GCNA: variants seen among roughly 807,000 people sequenced by gnomAD.
The protein encoded by GCNA is germ cell nuclear acidic protein.
GCNA carries 3 observed loss-of-function variants against 38.8 expected under a neutral mutation model. The ratio of observed to expected loss-of-function variants is 0.08; its 90% CI spans 0.04 to 0.20. The LOEUF (loss-of-function observed/expected upper bound fraction) is 0.20. GCNA is among the 10% of genes least tolerant of loss of function. The probability of loss-of-function intolerance (pLI) is 1.00; values close to 1 mark genes in which losing one functional copy is unlikely to be tolerated. For synonymous variants in GCNA, 195 were observed against 240.2 expected (o/e 0.81, Z 1.74); for missense variants, 446 against 578.6 (o/e 0.77, Z 2.35).
intron 9 of GCNA, among the ~76,000 whole-genome samples, chrX:71,608,089 A>G (rs748215974): frequency 1.1e-3 from 126 of 110,855 alleles, no homozygotes; most frequent in African/African-American, 3.7e-3. Context: ...GTGTGATTGG[A>G]TGAGAAGAGA....
At chrX:71,596,341 G>T (rs1323344051) in intron 6 of GCNA, among the ~76,000 whole-genome samples, 5 of 112,263 alleles carry the variant, frequency 4.5e-5, no homozygotes. Flanking sequence ...GTTTATTGAG[G>T]TATGATTTAT....
At chrX:71,611,221 T>C (rs1272390008) in intron 11 of GCNA, among the ~76,000 whole-genome samples, 6 of 112,253 alleles carry the variant, frequency 5.3e-5, no homozygotes, top group African/African-American at 1.9e-4. Flanking sequence ...GCCACTACAT[T>C]GCTTTCCTGC....
intron 1 of GCNA, among the ~76,000 whole-genome samples, chrX:71,580,053 C>G (rs1309764906): frequency 2.0e-5 from 2 of 100,737 alleles, no homozygotes; most frequent in African/African-American, 7.5e-5. Flanking sequence ...CGGTGGTAGC[C>G]TATTCTGGGT....
chrX:71,607,168 G>A (rs1019456603), intron 9 of GCNA, among the ~76,000 whole-genome samples: 13 of 112,024 alleles, frequency 1.2e-4, no homozygotes, highest in African/African-American at 3.6e-4. Context: ...ACAGGGGTCC[G>A]GGCTCTGCCA....
At position 71,580,538 on chromosome X, in the gene GCNA, A is replaced by G. The variant is rs750249737; in HGVS notation, c.-2-282A>G. The G allele has an allele frequency of 4.4e-3, 875 of 200,457 alleles. 10 individuals carry two copies. Among genetic ancestry groups the G allele is most frequent in the African/African-American group, 0.025 (820 of 33,049 alleles). 16.5% of individuals were successfully genotyped at this position (200,457 alleles called of 1,213,427 possible). The stretch of plus-strand genomic sequence containing the variant: ...GGCCCAGGCTGGAGTGCAGTGGCAC[A>G]ATCTCGGCTCACTGCAAGCTCTGCC... On this transcript the variant is annotated intron_variant, in intron 1 of 12. Transcript: ENST00000373696.
chrX:71,580,483 T>C, intron 1 of GCNA: 1 of 138,381 alleles, frequency 7.2e-6, no homozygotes, highest in Non-Finnish European at 1.4e-5. Flanking sequence ...TCTTTTTCTT[T>C]TTCTTTTTTG....
chrX:71,603,544 T>C, intron 7 of GCNA, 44 bp from the exon 8 acceptor site: 1 of 1,177,346 alleles, frequency 8.5e-7, no homozygotes. Flanking sequence ...AAGGAGGTGG[T>C]AGAGGGAGTA....
chrX:71,605,609 G>A lies in GCNA; in HGVS notation c.1400-54G>A, dbSNP rs1569441404. The A allele has an allele frequency of 2.8e-6, 3 of 1,066,474 alleles. No homozygotes were observed. The East Asian group carries it at 9.6e-5, about 34-fold the overall frequency. The allele number at this position is 1,066,474 out of a possible 1,213,427, so 87.9% of individuals were successfully genotyped here. A position where few individuals can be genotyped will look rare whatever the true frequency, so the allele number is the denominator to read the frequency against. ...GGGTTTACCTTTCTGTTGGTCTCGT[G>A]ATGGTACCAATTTTCGGGGTACAAG... On this transcript the variant is annotated intron_variant, in intron 8 of 12. Coordinates refer to ENST00000373696, the MANE Select transcript of GCNA (RefSeq NM_052957.5).
Position 71,605,720 on chromosome X carries a change from G to T in GCNA, c.1457G>T (p.Arg486Leu). ...KKPGAAKVEK[R>L]KTRTPKCKVP... Reference sequence around the variant, plus strand: ...CCCGGTGCAGCAAAAGTTGAAAAACGCAAGACTAGGTATGTACTGCTCGCA... The same window carrying T: ...CCCGGTGCAGCAAAAGTTGAAAAACTCAAGACTAGGTATGTACTGCTCGCA... The change falls in exon 9 of 13, where the codon CGC (arginine) becomes CTC (leucine). Residue 486 changes from arginine to leucine, a missense_variant. By Grantham distance (102) the Arg-to-Leu change is moderately radical. Transcript: ENST00000373696. 1 of 1,207,763 alleles carries T rather than the reference G, an allele frequency of 8.3e-7. No individual in the cohort carries two copies. The highest frequency in any genetic ancestry group is 1.1e-6 in the Non-Finnish European group (1 of 892,660).
intron 11 of GCNA, 115 bp from the exon 12 acceptor site, chrX:71,612,240 T>G: frequency 1.7e-6 from 1 of 595,510 alleles, no homozygotes; most frequent in Non-Finnish European, 2.5e-6. Flanking sequence ...ATCATGCCAT[T>G]ACACTCCAGC....
chrX:71,606,876 G>A (rs2040772575), intron 9 of GCNA, among the ~76,000 whole-genome samples: 1 of 112,310 alleles, frequency 8.9e-6, no homozygotes, highest in African/African-American at 3.2e-5. Context: ...GAAGGGAAAA[G>A]CTGTCCCTTG....
chrX:71,601,820 A>G (rs1348781677), intron 7 of GCNA, among the ~76,000 whole-genome samples: 1 of 112,240 alleles, frequency 8.9e-6, no homozygotes, highest in East Asian at 2.8e-4. Flanking sequence ...TGCTGGGATT[A>G]CAGGCGCGAG....
chrX:71,591,832 A>C (rs1287725265), intron 2 of GCNA, among the ~76,000 whole-genome samples: 2 of 111,562 alleles, frequency 1.8e-5, no homozygotes, highest in Non-Finnish European at 3.8e-5. Context: ...AATGGAAATA[A>C]ATTACTTGGC....
chrX:71,612,750 C>T, intron 12 of GCNA, 112 bp from the exon 13 acceptor site: 1 of 1,099,861 alleles, frequency 9.1e-7, no homozygotes, highest in East Asian at 3.3e-5. Context: ...GTGCCCGGGT[C>T]TCTGACAACC....
rs765646560 is a variant in GCNA, at chrX:71,604,615, A to C, written c.1338A>C (p.Lys446Asn). The C allele has an allele frequency of 8.3e-7, 1 of 1,204,466 alleles. No individual in the cohort carries two copies. The highest frequency in any genetic ancestry group is 1.1e-6 in the Non-Finnish European group (1 of 891,561). ...CAAGGAAAAGGCAGACAAAGACCAA[A>C]AATATAGTGGAGCCACTGAGGAAGA... ...EPPRKRQTKT[K>N]NIVEPLRKRK... is the part of the protein sequence containing the mutation. Residue 446 changes from lysine to asparagine, a missense_variant, in exon 8 of 13, where the codon AAA becomes AAC. By Grantham distance (94) the Lys-to-Asn change is moderately conservative. Transcript: ENST00000373696.
At chrX:71,599,644 C>A (rs1470246029) in intron 7 of GCNA, among the ~76,000 whole-genome samples, 1 of 112,351 alleles carries the variant, frequency 8.9e-6, no homozygotes, top group Non-Finnish European at 1.9e-5. Flanking sequence ...TGTTTCTTTG[C>A]TGTTCTCTAC....
At chrX:71,600,146 C>T (rs889961524) in intron 7 of GCNA, among the ~76,000 whole-genome samples, 2 of 111,768 alleles carry the variant, frequency 1.8e-5, no homozygotes, top group Non-Finnish European at 3.8e-5. Flanking sequence ...CATTTCAGTG[C>T]AGGCAGTGAT....
intron 4 of GCNA, among the ~76,000 whole-genome samples, chrX:71,593,416 G>A (rs1158036962): frequency 8.9e-6 from 1 of 111,946 alleles, no homozygotes; most frequent in Non-Finnish European, 1.9e-5. Flanking sequence ...GCTGACAGTG[G>A]ATGTCCAGCC....
intron 4 of GCNA, among the ~76,000 whole-genome samples, chrX:71,592,922 A>G (rs1051406437): frequency 1.8e-5 from 2 of 110,878 alleles, no homozygotes; most frequent in African/African-American, 6.6e-5. Context: ...ATTTTTTTTG[A>G]GACTGAGTCT....
Sources: gnomAD v4.1 joint callset for allele counts (sites outside exome capture counted in the v4.1 genomes callset) on GRCh38, gnomAD v4.1.1 for gene constraint, MANE v1.5 for transcripts, NCBI Gene and HGNC (gene_info 2026-07-23, HGNC 2026-07-21) for gene names.